The following FERMT2 variants were observed in gnomAD, a reference collection of about 807,000 sequenced individuals.
FERMT2 encodes the protein fermitin family homolog 2.
FERMT2 carries 15 observed loss-of-function variants against 82.7 expected under a neutral mutation model. That is an observed-to-expected ratio of 0.18 (90% CI 0.12 to 0.28). The LOEUF (loss-of-function observed/expected upper bound fraction) is 0.28. Ranked by LOEUF, FERMT2 falls within the 10% of genes least tolerant of loss-of-function variation. FERMT2 has a pLI of 1.00. For synonymous variants in FERMT2, 274 were observed against 271.5 expected (o/e 1.01, Z -0.09); for missense variants, 645 against 809.4 (o/e 0.80, Z 2.46).
intron 2 of FERMT2, among the ~76,000 whole-genome samples, chr14:52,934,089 A>C (rs1889725366): frequency 6.6e-6 from 1 of 152,344 alleles, no homozygotes; most frequent in Non-Finnish European, 1.5e-5. Context: ...CACTAGATTA[A>C]GTCTTTATCC....
intron 3 of FERMT2, among the ~76,000 whole-genome samples, chr14:52,907,818 G>A (rs1241745081): frequency 2.7e-5 from 4 of 150,680 alleles, no homozygotes; most frequent in African/African-American, 4.9e-5. Context: ...CTACTAGAAA[G>A]GAGGGAAACA....
In FERMT2 at chr14:52,919,329, G is replaced by C; in HGVS notation, c.185C>G (p.Ala62Gly). ...AGTTCTCTTCTTTTCCCACCAGAGA[G>C]CATGGTCAGACCAATCTTTTTTTAC... is the stretch of plus-strand genomic sequence containing the variant. Reference protein sequence around the residue: ...LDVKKDWSDHALWWEKKRTWL... With the variant: ...LDVKKDWSDHGLWWEKKRTWL... The change falls in exon 3 of 15, where the codon GCT becomes GGT. Residue 62 changes from alanine (A) to glycine (G), a missense_variant. By Grantham distance (60) the Ala-to-Gly change is moderately conservative. Coordinates refer to ENST00000341590, the MANE Select transcript of FERMT2 (RefSeq NM_006832.3). The C allele has an allele frequency of 6.2e-7, 1 of 1,612,834 alleles. No homozygotes were observed. Among genetic ancestry groups the C allele is most frequent in the Non-Finnish European group, 8.5e-7 (1 of 1,179,072 alleles).
At chr14:52,906,982 C>G (rs968878296) in intron 3 of FERMT2, among the ~76,000 whole-genome samples, 2 of 144,316 alleles carry the variant, frequency 1.4e-5, no homozygotes, top group Non-Finnish European at 3.0e-5. Context: ...CTTCTCCCAG[C>G]TGCAGTGTCT....
At chr14:52,938,151 A>C (rs1889932588) in intron 2 of FERMT2, among the ~76,000 whole-genome samples, 2 of 152,248 alleles carry the variant, frequency 1.3e-5, no homozygotes, top group Non-Finnish European at 2.9e-5. Flanking sequence ...CAAGGAATGT[A>C]TTCAGACACT....
At chr14:52,912,172 G>C (rs146599515) in intron 3 of FERMT2, among the ~76,000 whole-genome samples, 331 of 152,174 alleles carry the variant, frequency 2.2e-3, no homozygotes, top group Non-Finnish European at 4.0e-3. Flanking sequence ...GTACCTCCTA[G>C]ATTTCTGAAA....
intron 2 of FERMT2, among the ~76,000 whole-genome samples, chr14:52,924,969 C>G (rs1570877): frequency 6.6e-6 from 1 of 152,068 alleles, no homozygotes; most frequent in African/African-American, 2.4e-5. Context: ...CCTAAAGACC[C>G]GACTGAGCCC....
chr14:52,857,283 G>C lies in FERMT2; in HGVS notation c.*1094C>G, dbSNP rs1205256863. The C allele has an allele frequency of 6.6e-6, 1 of 152,514 alleles. No individual in the cohort carries two copies. Among genetic ancestry groups the C allele is most frequent in the Admixed American group, 6.6e-5 (1 of 15,254 alleles). The allele number at this position is 152,514 out of a possible 1,614,324, so 9.4% of individuals were successfully genotyped here. A position where few individuals can be genotyped will look rare whatever the true frequency, so the allele number is the denominator to read the frequency against. ...GTACAAAAATAAATATTAAATAAAA[G>C]TTTTGCTTTTATTTAAAATAAAATG... On this transcript the variant is annotated 3_prime_UTR_variant, in exon 15 of 15. Coordinates refer to ENST00000341590, the MANE Select transcript of FERMT2 (RefSeq NM_006832.3).
At chr14:52,946,631 A>T (rs935588078) in intron 2 of FERMT2, among the ~76,000 whole-genome samples, 5 of 152,168 alleles carry the variant, frequency 3.3e-5, no homozygotes, top group Admixed American at 1.3e-4. Flanking sequence ...AGCCTGGGTG[A>T]CAGTGCAAGA....
At chr14:52,947,946 T>C (rs187375689) in intron 2 of FERMT2, among the ~76,000 whole-genome samples, 4 of 152,342 alleles carry the variant, frequency 2.6e-5, no homozygotes, top group Admixed American at 2.6e-4. Flanking sequence ...TATAATGCTT[T>C]TGGTATTCAT....
chr14:52,945,056 A>T (rs1353527309), intron 2 of FERMT2, among the ~76,000 whole-genome samples: 1 of 151,984 alleles, frequency 6.6e-6, no homozygotes, highest in Non-Finnish European at 1.5e-5. Context: ...GCGTGCCATC[A>T]CGCCTGGCTA....
chr14:52,857,650 TTTACA>T lies in FERMT2; in HGVS notation c.*722_*726del, dbSNP rs1314341662. ...TGTACAATTTTATAAAATTTGTGTTTTTACATTAGTTACACAAAATGCATACTTCA... is the reference window on the plus strand; with the variant it reads ...TGTACAATTTTATAAAATTTGTGTTTTTAGTTACACAAAATGCATACTTCA... On this transcript the variant is annotated 3_prime_UTR_variant, in exon 15 of 15. Coordinates refer to ENST00000341590, the MANE Select transcript of FERMT2 (RefSeq NM_006832.3). The T allele has an allele frequency of 6.6e-6, 1 of 152,664 alleles. No individual in the cohort carries two copies. Among genetic ancestry groups the T allele is most frequent in the Admixed American group, 6.5e-5 (1 of 15,276 alleles). 9.5% of individuals were successfully genotyped at this position (152,664 alleles called of 1,614,324 possible). A position where few individuals can be genotyped will look rare whatever the true frequency, so the allele number is the denominator to read the frequency against.
At position 52,881,084 on chromosome 14, in the gene FERMT2, G is replaced by T. The variant is rs867907843; in HGVS notation, c.807C>A (p.Ala269=). The change falls in exon 6 of 15, where the codon GCC becomes GCA. Residue 269 remains alanine, a synonymous_variant. Coordinates refer to ENST00000341590, the MANE Select transcript of FERMT2 (RefSeq NM_006832.3). ...LMEQDVKENE[A]LLLRFKYYSF... ...TGTAATACTTGAATCGGAGCAGCAA[G>T]GCCTCATTTTCCTTCACATCTTGTT... 16 of 1,613,664 alleles carry T rather than the reference G, an allele frequency of 9.9e-6. No individual in the cohort carries two copies. In the Middle Eastern group the frequency reaches 1.6e-3, roughly 166 times the overall value.
Position 52,950,524 on chromosome 14 carries a change from G to A in FERMT2, c.45C>T (p.Asp15=). 2 of 1,614,098 alleles carry A rather than the reference G, an allele frequency of 1.2e-6. No individual in the cohort carries two copies. The highest frequency in any genetic ancestry group is 2.2e-5 in the East Asian group (1 of 44,868). Residue 15 remains aspartate (D), a synonymous_variant, in exon 2 of 15, where the codon GAC becomes GAT. Coordinates refer to ENST00000341590, the MANE Select transcript of FERMT2 (RefSeq NM_006832.3). ...GIRMPDGCYA[D]GTWELSVHVT... ...CATGGACACTCAGTTCCCACGTCCC[G>A]TCCGCGTAGCAGCCATCTGGCATCC...
At chr14:52,867,412 T>C (rs1170112409) in intron 10 of FERMT2, among the ~76,000 whole-genome samples, 1 of 152,212 alleles carries the variant, frequency 6.6e-6, no homozygotes, top group Non-Finnish European at 1.5e-5. Context: ...TACTCTGTCC[T>C]TTTGAAACAA....
chr14:52,938,464 C>CTAAGTGAGACTAAA (rs1889949020), intron 2 of FERMT2, among the ~76,000 whole-genome samples: 1 of 152,134 alleles, frequency 6.6e-6, no homozygotes, highest in African/African-American at 2.4e-5. Flanking sequence ...TAAACTAAAG[C>CTAAGTGAGACTAAA]TAAGTGAGAC....
At chr14:52,945,554 T>C (rs1218155450) in intron 2 of FERMT2, among the ~76,000 whole-genome samples, 1 of 152,144 alleles carries the variant, frequency 6.6e-6, no homozygotes, top group Non-Finnish European at 1.5e-5. Context: ...ACTCCCGGCC[T>C]AATCCTCAAT....
intron 2 of FERMT2, among the ~76,000 whole-genome samples, chr14:52,941,170 G>A (rs1890072859): frequency 6.6e-6 from 1 of 152,100 alleles, no homozygotes. Context: ...CATGAACGAA[G>A]CTAACATGTA....
At chr14:52,896,830 CA>C (rs1167965295) in intron 3 of FERMT2, among the ~76,000 whole-genome samples, 6 of 151,732 alleles carry the variant, frequency 4.0e-5, no homozygotes, top group Admixed American at 6.6e-5. Context: ...TCTCTACAAA[CA>C]AAATTTTTTT....
chr14:52,902,657 T>C (rs1471377432), intron 3 of FERMT2, among the ~76,000 whole-genome samples: 1 of 150,260 alleles, frequency 6.7e-6, no homozygotes, highest in Non-Finnish European at 1.5e-5. Flanking sequence ...TTACCCAAAG[T>C]CAGGAATTCG....
Sources: allele counts gnomAD v4.1 joint callset (sites outside exome capture counted in the v4.1 genomes callset), GRCh38; gene constraint gnomAD v4.1.1; transcripts MANE v1.5; gene names NCBI Gene and HGNC (gene_info 2026-07-23, HGNC 2026-07-21).